The following PARD3 variants were observed in gnomAD, a reference collection of about 807,000 sequenced individuals.
The protein encoded by PARD3 is par-3 family cell polarity regulator, also known as partitioning defective 3 homolog.
In PARD3, 75 loss-of-function variants were observed where a neutral mutation model predicts 155.4. The ratio of observed to expected loss-of-function variants is 0.48; its 90% CI spans 0.40 to 0.58. The LOEUF is 0.58. PARD3 is among the 20% of genes least tolerant of loss of function. PARD3 has a pLI of 0.00. For missense variants in PARD3, 1,642 were observed against 1,721.7 expected, an observed-to-expected ratio of 0.95 and a Z score of 0.82; for synonymous variants, 576 against 610.5, an observed-to-expected ratio of 0.94 and a Z score of 0.83.
At chr10:34,193,876 C>T (rs1314152947) in intron 22 of PARD3, among the ~76,000 whole-genome samples, 1 of 152,180 alleles carries the variant, frequency 6.6e-6, no homozygotes, top group Non-Finnish European at 1.5e-5. Flanking sequence ...TTTCAATGCC[C>T]TGAATTTTCT....
chr10:34,400,274 A>T (rs1843743261), intron 6 of PARD3, among the ~76,000 whole-genome samples: 1 of 152,182 alleles, frequency 6.6e-6, no homozygotes, highest in African/African-American at 2.4e-5. Flanking sequence ...TATTTATATT[A>T]TATGACATAA....
At chr10:34,656,778 CAGG>C (rs1302099164) in intron 2 of PARD3, among the ~76,000 whole-genome samples, 1 of 152,128 alleles carries the variant, frequency 6.6e-6, no homozygotes, top group East Asian at 1.9e-4. Flanking sequence ...CTCAGGGCCG[CAGG>C]AGAAGTCAGA....
chr10:34,210,155 A>G (rs904526542), intron 22 of PARD3, among the ~76,000 whole-genome samples: 3 of 152,214 alleles, frequency 2.0e-5, no homozygotes, highest in Non-Finnish European at 4.4e-5. Context: ...TAACATATAA[A>G]CACCTATCTT....
chr10:34,289,557 G>C lies in PARD3; in HGVS notation c.3066-5312C>G, dbSNP rs545749788. Among the ~76,000 whole-genome samples, 3 of 152,190 alleles carry C rather than the reference G, an allele frequency of 2.0e-5. No homozygotes were observed. The South Asian group carries it at 6.2e-4, about 32-fold the overall frequency. On this transcript the variant is annotated intron_variant, in intron 20 of 24. Transcript: ENST00000374788. ...AAAGAAAATACCTTTAAAATGTTGA[G>C]ATAAATGAAAAATTGCTTAGTTGCT...
rs550583222 is a variant in PARD3, at chr10:34,499,918, T to C, written c.403+17061A>G. ...CAGGACACATTAAATCATCTCTACGTTATTTATAATACCTAATACAATGTA... is the reference window on the plus strand; with the variant it reads ...CAGGACACATTAAATCATCTCTACGCTATTTATAATACCTAATACAATGTA... On this transcript the variant is annotated intron_variant, in intron 3 of 24. Coordinates refer to ENST00000374788, the MANE Select transcript of PARD3 (RefSeq NM_001184785.2). Among the ~76,000 whole-genome samples the C allele has an allele frequency of 1.1e-4, 16 of 152,346 alleles. No homozygotes were observed. In the South Asian group the frequency reaches 3.3e-3, roughly 32 times the overall value.
chr10:34,409,874 T>C (rs77424513), intron 5 of PARD3, among the ~76,000 whole-genome samples: 10,240 of 152,300 alleles, frequency 0.067, 461 homozygotes, highest in Non-Finnish European at 0.096. Context: ...ATTTAAAGTA[T>C]TAAACATGTT....
At position 34,448,923 on chromosome 10, in the gene PARD3, T is replaced by A. The variant is rs182153028; in HGVS notation, c.714+1394A>T. Among the ~76,000 whole-genome samples the A allele has an allele frequency of 1.1e-3, 161 of 149,582 alleles. 2 individuals are homozygous for A. In the East Asian group the frequency reaches 0.019, roughly 18 times the overall value. ...TAATGTGATGGATAAATTATCTTTT[T>A]TTTTTTTTTTTTTGAGAGAGAGTCT... is the stretch of plus-strand genomic sequence containing the variant. On this transcript the variant is annotated intron_variant, in intron 5 of 24. Transcript: ENST00000374788.
At chr10:34,713,025 A>G (rs937784964) in intron 1 of PARD3, among the ~76,000 whole-genome samples, 3 of 152,132 alleles carry the variant, frequency 2.0e-5, no homozygotes, top group African/African-American at 7.2e-5. Context: ...CCTGGCCAAC[A>G]TGGTGAAACC....
chr10:34,260,172 G>C lies in PARD3; in HGVS notation c.3419+9485C>G, dbSNP rs148161233. The stretch of plus-strand genomic sequence containing the variant: ...AAATTTTTTGTAAAGATGGGTTTTC[G>C]CCATGTTGCCCAAAGTGGCCTCAAA... On this transcript the variant is annotated intron_variant, in intron 22 of 24. Transcript: ENST00000374788. Among the ~76,000 whole-genome samples, 32 of 151,832 alleles carry C rather than the reference G, an allele frequency of 2.1e-4. No individual in the cohort carries two copies. In the East Asian group the frequency reaches 5.4e-3, roughly 26 times the overall value.
At position 34,760,208 on chromosome 10, in the gene PARD3, A is replaced by G. The variant is rs183715042; in HGVS notation, c.120+54668T>C. Among the ~76,000 whole-genome samples the G allele has an allele frequency of 5.2e-4, 79 of 152,008 alleles. No individual in the cohort carries two copies. In the East Asian group the frequency reaches 0.012, roughly 22 times the overall value. ...TGTGGGGGACAGCGCAGCGGTGTAG[A>G]AACAGTATTTATTATGTTGCCCAGG... On this transcript the variant is annotated intron_variant, in intron 1 of 24. Coordinates refer to ENST00000374788, the MANE Select transcript of PARD3 (RefSeq NM_001184785.2).
chr10:34,600,536 T>C (rs529060726), intron 2 of PARD3, among the ~76,000 whole-genome samples: 4 of 152,038 alleles, frequency 2.6e-5, no homozygotes, highest in Non-Finnish European at 5.9e-5. Flanking sequence ...TACATGAATA[T>C]TGAAAGGGAC....
At chr10:34,561,705 A>G (rs2085488927) in intron 2 of PARD3, among the ~76,000 whole-genome samples, 1 of 151,630 alleles carries the variant, frequency 6.6e-6, no homozygotes, top group South Asian at 2.1e-4. Context: ...TTTAGTAGAG[A>G]TGGGGTTTCT....
chr10:34,545,254 G>A (rs927990649), intron 2 of PARD3, among the ~76,000 whole-genome samples: 2 of 152,056 alleles, frequency 1.3e-5, no homozygotes, highest in African/African-American at 4.8e-5. Context: ...TTCCACAACT[G>A]GTTCATCTCA....
rs535406724 is a variant in PARD3 at position 34,636,926 on chromosome 10, T to C, written c.222+59392A>G. 3.2e-4 allele frequency among the ~76,000 whole-genome samples: 49 copies of C among 152,356 alleles called. No individual in the cohort carries two copies. In the South Asian group the frequency reaches 9.5e-3, roughly 30 times the overall value. On this transcript the variant is annotated intron_variant, in intron 2 of 24. Coordinates refer to ENST00000374788, the MANE Select transcript of PARD3 (RefSeq NM_001184785.2). ...CATCAAAACCTTTTAGGCAAATGCC[T>C]ACCGAGTCTTATCCATTCACAGCTC...
intron 22 of PARD3, among the ~76,000 whole-genome samples, chr10:34,191,094 C>T (rs1243991635): frequency 3.3e-5 from 5 of 151,784 alleles, no homozygotes; most frequent in African/African-American, 4.8e-5. Flanking sequence ...GTTTCATCAA[C>T]GGTGTGGAGA....
At chr10:34,445,753 G>C (rs971326747) in intron 5 of PARD3, among the ~76,000 whole-genome samples, 4 of 151,462 alleles carry the variant, frequency 2.6e-5, no homozygotes, top group African/African-American at 4.9e-5. Flanking sequence ...GAAGCTCTGG[G>C]CTACCAATCT....
chr10:34,162,307 A>G (rs1244907392), intron 22 of PARD3, among the ~76,000 whole-genome samples: 1 of 152,110 alleles, frequency 6.6e-6, no homozygotes, highest in Non-Finnish European at 1.5e-5. Context: ...CCTCGTATTC[A>G]ACTGTTAAGG....
At chr10:34,781,515 C>T (rs1323416248) in intron 1 of PARD3, among the ~76,000 whole-genome samples, 4 of 152,210 alleles carry the variant, frequency 2.6e-5, no homozygotes, top group Admixed American at 6.5e-5. Flanking sequence ...ACAAAACCAA[C>T]AGCCTGATGG....
In PARD3 at chr10:34,477,947, T is replaced by C. The variant is rs561362625; in HGVS notation, c.404-7684A>G. On this transcript the variant is annotated intron_variant, in intron 3 of 24. Transcript: ENST00000374788. Reference sequence around the variant, plus strand: ...TGGGAAGAACCAAGTTATTATCACATGCTGTGGGGATACAAACCTGTCATC... The same window carrying C: ...TGGGAAGAACCAAGTTATTATCACACGCTGTGGGGATACAAACCTGTCATC... Among the ~76,000 whole-genome samples the C allele has an allele frequency of 6.2e-4, 94 of 152,334 alleles. 1 individual carries two copies. Among genetic ancestry groups the C allele is most frequent in the Admixed American group, 1.5e-3 (23 of 15,298 alleles).
Sources: allele counts gnomAD v4.1 joint callset (sites outside exome capture counted in the v4.1 genomes callset), GRCh38; gene constraint gnomAD v4.1.1; transcripts MANE v1.5; gene names NCBI Gene and HGNC (gene_info 2026-07-23, HGNC 2026-07-21).